The following CSMD1 variants were observed in gnomAD, a reference collection of about 807,000 sequenced individuals.
CSMD1 encodes the protein CUB and sushi domain-containing protein 1.
Under a neutral mutation model 417.5 loss-of-function variants are expected in CSMD1, and 213 were observed. The ratio of observed to expected loss-of-function variants is 0.51; its 90% CI spans 0.46 to 0.57. CSMD1 has a LOEUF of 0.57. CSMD1 is among the 20% of genes least tolerant of loss of function. The pLI is 0.00. For missense variants in CSMD1, 6,923 were observed against 4,529.7 expected, an observed-to-expected ratio of 1.53 and a Z score of -15.17; for synonymous variants, 2,862 against 1,736.8, an observed-to-expected ratio of 1.65 and a Z score of -16.11.
At chr8:3,954,454 C>T (rs963686634) in intron 5 of CSMD1, among the ~76,000 whole-genome samples, 2 of 152,130 alleles carry the variant, frequency 1.3e-5, no homozygotes, top group African/African-American at 2.4e-5. Context: ...GCAACCTCCT[C>T]CTCCCGGGTT....
chr8:3,451,633 T>C (rs936277779), intron 12 of CSMD1, among the ~76,000 whole-genome samples: 5 of 152,208 alleles, frequency 3.3e-5, no homozygotes, highest in Non-Finnish European at 7.3e-5. Context: ...TGTAGATATA[T>C]GGCATTATTT....
chr8:3,529,476 G>A (rs931579063), intron 10 of CSMD1, among the ~76,000 whole-genome samples: 1 of 152,182 alleles, frequency 6.6e-6, no homozygotes, highest in Non-Finnish European at 1.5e-5. Context: ...GTTAAAGGAA[G>A]AAATTGGGAT....
chr8:4,077,423 T>G (rs908845649), intron 3 of CSMD1, among the ~76,000 whole-genome samples: 1 of 151,568 alleles, frequency 6.6e-6, no homozygotes, highest in East Asian at 1.9e-4. Flanking sequence ...AATTTTTATA[T>G]GCAATAATTA....
intron 1 of CSMD1, among the ~76,000 whole-genome samples, chr8:4,703,671 G>C (rs544143402): frequency 1.4e-4 from 22 of 152,224 alleles, no homozygotes; most frequent in Admixed American, 1.2e-3. Context: ...AAGACAAATA[G>C]TAGTTGACTT....
In CSMD1 at chr8:4,872,105, A is replaced by G. The variant is rs183179678; in HGVS notation, c.85+122227T>C. Among the ~76,000 whole-genome samples, 9 of 152,244 alleles carry G rather than the reference A, an allele frequency of 5.9e-5. No individual in the cohort carries two copies. In the East Asian group the frequency reaches 1.2e-3, roughly 20 times the overall value. On this transcript the variant is annotated intron_variant, in intron 1 of 69. Coordinates refer to ENST00000635120, the MANE Select transcript of CSMD1 (RefSeq NM_033225.6). ...TCAGGCTCTGTTGTCACTGCTTTAA[A>G]TATATTAACTCATTTTATCCTCACA...
chr8:4,139,920 G>C (rs1391611823), intron 3 of CSMD1, among the ~76,000 whole-genome samples: 1 of 150,810 alleles, frequency 6.6e-6, no homozygotes. Flanking sequence ...CATCTTCAGA[G>C]GATGGATAAA....
chr8:3,044,107 T>C (rs999098581), intron 50 of CSMD1, among the ~76,000 whole-genome samples: 2 of 152,150 alleles, frequency 1.3e-5, no homozygotes, highest in South Asian at 2.1e-4. Context: ...TTGATTATGT[T>C]ATATTCTTTT....
At chr8:3,097,305 A>G (rs1815381684) in intron 46 of CSMD1, among the ~76,000 whole-genome samples, 1 of 152,174 alleles carries the variant, frequency 6.6e-6, no homozygotes, top group Non-Finnish European at 1.5e-5. Flanking sequence ...TTTGGGGCAG[A>G]TGCATCCTGG....
At chr8:4,354,865 A>AGTGTGTGTGT (rs59255397) in intron 3 of CSMD1, among the ~76,000 whole-genome samples, 8,147 of 129,356 alleles carry the variant, frequency 0.063, 346 homozygotes, top group Admixed American at 0.079. Context: ...AGGAAAATGT[A>AGTGTGTGTGT]GTGTGTGTGT....
intron 3 of CSMD1, among the ~76,000 whole-genome samples, chr8:4,161,891 G>T (rs972423): frequency 2.0e-5 from 3 of 151,928 alleles, no homozygotes; most frequent in African/African-American, 7.3e-5. Flanking sequence ...TAATGGTTCA[G>T]TAAGTCAAGA....
At chr8:4,161,152 A>G (rs1183054675) in intron 3 of CSMD1, among the ~76,000 whole-genome samples, 1 of 152,098 alleles carries the variant, frequency 6.6e-6, no homozygotes, top group African/African-American at 2.4e-5. Context: ...TTAAGACATG[A>G]TAAAAGTTCA....
At chr8:3,610,169 C>T (rs2117130581) in intron 8 of CSMD1, among the ~76,000 whole-genome samples, 1 of 152,200 alleles carries the variant, frequency 6.6e-6, no homozygotes, top group African/African-American at 2.4e-5. Context: ...CCTTACTTGG[C>T]TGTAGTCCAG....
At chr8:4,853,106 G>A (rs1051305426) in intron 1 of CSMD1, among the ~76,000 whole-genome samples, 1 of 152,198 alleles carries the variant, frequency 6.6e-6, no homozygotes, top group Admixed American at 6.5e-5. Context: ...GAAAAGAAAA[G>A]CATGTTTTTA....
intron 1 of CSMD1, among the ~76,000 whole-genome samples, chr8:4,802,571 G>C (rs1453233593): frequency 1.3e-5 from 2 of 152,108 alleles, no homozygotes; most frequent in Non-Finnish European, 2.9e-5. Flanking sequence ...AGTTTATGAA[G>C]AGATCACAAT....
intron 1 of CSMD1, among the ~76,000 whole-genome samples, chr8:4,675,528 A>C (rs1028983318): frequency 1.1e-4 from 17 of 152,174 alleles, no homozygotes; most frequent in African/African-American, 3.4e-4. Context: ...ATGGAGGGAC[A>C]AGTTCTGAGA....
intron 4 of CSMD1, among the ~76,000 whole-genome samples, chr8:4,016,471 C>G (rs933947214): frequency 1.4e-4 from 21 of 152,118 alleles, no homozygotes; most frequent in African/African-American, 5.1e-4. Flanking sequence ...AGGCCTCTGC[C>G]CAAGAATGCA....
rs944820610 is a variant in CSMD1, at chr8:3,583,296, G to T, written c.1222+2840C>A. Among the ~76,000 whole-genome samples, 4 of 151,930 alleles carry T rather than the reference G, an allele frequency of 2.6e-5. No homozygotes were observed. The East Asian group carries it at 7.8e-4, about 29-fold the overall frequency. On this transcript the variant is annotated intron_variant, in intron 9 of 69. Transcript: ENST00000635120. The stretch of plus-strand genomic sequence containing the variant: ...GACATGAGGTGTTGCTGAAGCAAAT[G>T]TGGGCACAGCTTTGGAACCGGGTTG...
At chr8:4,064,935 A>C (rs1585236711) in intron 3 of CSMD1, among the ~76,000 whole-genome samples, 4 of 152,186 alleles carry the variant, frequency 2.6e-5, no homozygotes, top group Admixed American at 2.6e-4. Flanking sequence ...GGCTTAAAAA[A>C]AAAAACCTTA....
At chr8:3,656,724 G>A (rs974432146) in intron 7 of CSMD1, among the ~76,000 whole-genome samples, 3 of 152,090 alleles carry the variant, frequency 2.0e-5, no homozygotes, top group Non-Finnish European at 4.4e-5. Flanking sequence ...TCAGCAGTCC[G>A]AGACCAGCCT....
Sources: gnomAD v4.1 joint callset for allele counts (sites outside exome capture counted in the v4.1 genomes callset) on GRCh38, gnomAD v4.1.1 for gene constraint, MANE v1.5 for transcripts, NCBI Gene and HGNC (gene_info 2026-07-23, HGNC 2026-07-21) for gene names.